Variants in KCNQ5 observed in about 807,000 individuals in gnomAD.
The protein encoded by KCNQ5 is potassium voltage-gated channel subfamily KQT member 5.
In KCNQ5, 30 loss-of-function variants were observed where a neutral mutation model predicts 98.2. That is an observed-to-expected ratio of 0.31 (90% CI 0.23 to 0.41). The LOEUF (loss-of-function observed/expected upper bound fraction) is 0.41, where lower values mean the gene tolerates loss of function less well. Ranked by LOEUF, KCNQ5 falls within the 10% of genes least tolerant of loss-of-function variation. The pLI is 1.00. For synonymous variants in KCNQ5, 458 were observed against 449.4 expected (o/e 1.02, Z -0.24); for missense variants, 835 against 1,182.5 (o/e 0.71, Z 4.31).
At chr6:73,064,600 T>C (rs1273278226) in intron 3 of KCNQ5, among the ~76,000 whole-genome samples, 1 of 152,156 alleles carries the variant, frequency 6.6e-6, no homozygotes, top group Non-Finnish European at 1.5e-5. Flanking sequence ...AGCTTTGTCA[T>C]TTGGTAGGTG....
At chr6:72,922,810 C>CTTTT (rs369263359) in intron 1 of KCNQ5, among the ~76,000 whole-genome samples, 4 of 103,830 alleles carry the variant, frequency 3.9e-5, no homozygotes, top group African/African-American at 7.1e-5. Flanking sequence ...TTTTCTTTTT[C>CTTTT]TTTTTTTTTT....
chr6:72,834,649 T>A lies in KCNQ5; in HGVS notation c.399-169259T>A, dbSNP rs375886684. 5.3e-5 allele frequency among the ~76,000 whole-genome samples: 8 copies of A among 152,298 alleles called. No individual in the cohort carries two copies. In the East Asian group the frequency reaches 1.5e-3, roughly 29 times the overall value. ...TTTTTGCTCAAGGAAACTTTAGGAT[T>A]GGCCCTTTGCTGCAAGACTCTGTTG... is the stretch of plus-strand genomic sequence containing the variant. On this transcript the variant is annotated intron_variant, in intron 1 of 13. Transcript: ENST00000370398.
chr6:72,704,530 A>G (rs1403043772), intron 1 of KCNQ5, among the ~76,000 whole-genome samples: 1 of 152,028 alleles, frequency 6.6e-6, no homozygotes, highest in Non-Finnish European at 1.5e-5. Context: ...TATATGAAAT[A>G]TTTTGCAAAA....
At chr6:73,084,726 C>A (rs908425570) in intron 5 of KCNQ5, among the ~76,000 whole-genome samples, 1 of 152,228 alleles carries the variant, frequency 6.6e-6, no homozygotes, top group Non-Finnish European at 1.5e-5. Flanking sequence ...TTCTCTGAAA[C>A]ATGCTGCTAT....
chr6:72,958,683 T>C lies in KCNQ5; in HGVS notation c.399-45225T>C, dbSNP rs186160071. ...ACATAATAAATATGTGTTCAATTAA[T>C]GTTATCAGGCCTTACACTAAGGTCA... is the stretch of plus-strand genomic sequence containing the variant. On this transcript the variant is annotated intron_variant, in intron 1 of 13. Transcript: ENST00000370398. Among the ~76,000 whole-genome samples the C allele has an allele frequency of 2.0e-5, 3 of 152,348 alleles. No individual in the cohort carries two copies. In the East Asian group the frequency reaches 5.8e-4, roughly 29 times the overall value.
intron 1 of KCNQ5, among the ~76,000 whole-genome samples, chr6:72,898,541 T>A (rs911194572): frequency 5.9e-4 from 90 of 152,374 alleles, no homozygotes; most frequent in Non-Finnish European, 4.1e-4. Context: ...TTCCATGGTA[T>A]ATGTGTACCA....
chr6:72,800,727 A>G lies in KCNQ5; in HGVS notation c.398+178140A>G, dbSNP rs535000197. Among the ~76,000 whole-genome samples, 1,338 of 152,200 alleles carry G rather than the reference A, an allele frequency of 8.8e-3. 16 individuals are homozygous for G. The highest frequency in any genetic ancestry group is 0.029 in the African/African-American group (1,213 of 41,522). On this transcript the variant is annotated intron_variant, in intron 1 of 13. Coordinates refer to ENST00000370398, the MANE Select transcript of KCNQ5 (RefSeq NM_019842.4). ...TTTTAATTGTGATGTTAGGGTGTCA[A>G]TTTTGGATCTTTCCTGATTTCTCTT...
intron 3 of KCNQ5, among the ~76,000 whole-genome samples, chr6:73,048,730 G>GTT (rs1772083241): frequency 6.6e-6 from 1 of 151,874 alleles, no homozygotes; most frequent in African/African-American, 2.4e-5. Flanking sequence ...TCTGAATTTT[G>GTT]TTTCTATATT....
intron 1 of KCNQ5, among the ~76,000 whole-genome samples, chr6:72,963,221 C>T (rs1767457796): frequency 6.6e-6 from 1 of 152,132 alleles, no homozygotes; most frequent in Non-Finnish European, 1.5e-5. Flanking sequence ...TTAAATGGCT[C>T]CTTAGCTTTG....
At chr6:73,075,132 A>C (rs1297734084) in intron 3 of KCNQ5, among the ~76,000 whole-genome samples, 1 of 152,178 alleles carries the variant, frequency 6.6e-6, no homozygotes, top group African/African-American at 2.4e-5. Context: ...AGAAATTAAT[A>C]ATTTACAAAG....
chr6:72,770,627 T>A lies in KCNQ5; in HGVS notation c.398+148040T>A, dbSNP rs151024561. ...CGAGAAAGAAAACATTATTCATATATGTGTACCGATTTTATTTTCCATACT... is the reference window on the plus strand; with the variant it reads ...CGAGAAAGAAAACATTATTCATATAAGTGTACCGATTTTATTTTCCATACT... On this transcript the variant is annotated intron_variant, in intron 1 of 13. Coordinates refer to ENST00000370398, the MANE Select transcript of KCNQ5 (RefSeq NM_019842.4). Among the ~76,000 whole-genome samples, 1,401 of 152,248 alleles carry A rather than the reference T, an allele frequency of 9.2e-3. 18 individuals carry two copies. Among genetic ancestry groups the A allele is most frequent in the African/African-American group, 0.03 (1,255 of 41,566 alleles).
At position 73,111,383 on chromosome 6, in the gene KCNQ5, C is replaced by A. The variant is rs1554210418; in HGVS notation, c.1105C>A (p.Pro369Thr). 6.2e-7 allele frequency: 1 copy of A among 1,609,954 alleles called. No individual in the cohort carries two copies. The highest frequency in any genetic ancestry group is 1.1e-5 in the South Asian group (1 of 90,408). The change falls in exon 7 of 14, where the codon CCA becomes ACA. Residue 369 changes from proline (P) to threonine (T), a missense_variant. Physicochemically the swap from Pro to Thr is conservative, Grantham distance 38. Coordinates refer to ENST00000370398, the MANE Select transcript of KCNQ5 (RefSeq NM_019842.4). The part of the protein sequence containing the change: ...RQKHFEKRRN[P>T]AANLIQCVWR... ...GAAACACTTTGAGAAAAGAAGGAACCCAGCTGCCAACCTCATTCAGGTAAA... is the reference window on the plus strand; with the variant it reads ...GAAACACTTTGAGAAAAGAAGGAACACAGCTGCCAACCTCATTCAGGTAAA...
chr6:73,030,748 C>G lies in KCNQ5; in HGVS notation c.490-11188C>G, dbSNP rs562370675. ...CACAAGAAGACTAGGGGCAGGGAAA[C>G]AAAGCAAGATTGTATCTGATTTCTA... On this transcript the variant is annotated intron_variant, in intron 2 of 13. Transcript: ENST00000370398. 5.9e-5 allele frequency among the ~76,000 whole-genome samples: 9 copies of G among 152,296 alleles called. No homozygotes were observed. In the South Asian group the frequency reaches 1.9e-3, roughly 32 times the overall value.
chr6:72,795,081 C>T (rs370103394), intron 1 of KCNQ5, among the ~76,000 whole-genome samples: 5 of 152,054 alleles, frequency 3.3e-5, no homozygotes, highest in East Asian at 1.9e-4. Flanking sequence ...TAGATGCTTC[C>T]GACATGTTGG....
At chr6:73,075,284 A>ACGATCTTG (rs1450117652) in intron 3 of KCNQ5, among the ~76,000 whole-genome samples, 87 of 149,254 alleles carry the variant, frequency 5.8e-4, no homozygotes, top group African/African-American at 2.0e-3. Context: ...GTGCAGTGGC[A>ACGATCTTG]CGATCTTGGC....
chr6:73,055,806 C>G, intron 3 of KCNQ5: 1 of 824,328 alleles, frequency 1.2e-6, no homozygotes, highest in Non-Finnish European at 2.1e-6. Flanking sequence ...ATGAAGAGAC[C>G]ATGTGCAAAG....
intron 5 of KCNQ5, among the ~76,000 whole-genome samples, chr6:73,092,890 T>C (rs536265586): frequency 6.6e-6 from 1 of 152,288 alleles, no homozygotes; most frequent in South Asian, 2.1e-4. Context: ...ATTATGTCCT[T>C]TCCTGGTTTT....
intron 1 of KCNQ5, among the ~76,000 whole-genome samples, chr6:72,760,279 A>T (rs961065136): frequency 1.3e-5 from 2 of 152,180 alleles, no homozygotes; most frequent in African/African-American, 2.4e-5. Context: ...TTGGTCTAAC[A>T]GACAGTGTAG....
intron 5 of KCNQ5, among the ~76,000 whole-genome samples, chr6:73,091,095 G>A (rs762632290): frequency 9.2e-5 from 14 of 152,128 alleles, no homozygotes; most frequent in Non-Finnish European, 2.1e-4. Context: ...ATGATAGACT[G>A]GATAAAGAAA....
Sources: gnomAD v4.1 joint callset for allele counts (sites outside exome capture counted in the v4.1 genomes callset) on GRCh38, gnomAD v4.1.1 for gene constraint, MANE v1.5 for transcripts, NCBI Gene and HGNC (gene_info 2026-07-23, HGNC 2026-07-21) for gene names.